MTHFD2L: variants seen among roughly 807,000 people sequenced by gnomAD.
The protein encoded by MTHFD2L is bifunctional methylenetetrahydrofolate dehydrogenase/cyclohydrolase 2, mitochondrial.
A neutral mutation model predicts 34.9 loss-of-function variants in MTHFD2L; 29 were observed. The observed-to-expected ratio is 0.83, with a 90% CI of 0.62 to 1.13. MTHFD2L has a LOEUF of 1.13. MTHFD2L is among the 50% of genes most tolerant of loss of function. The probability of loss-of-function intolerance (pLI) is 0.00; values close to 1 mark genes in which losing one functional copy is unlikely to be tolerated. For missense variants in MTHFD2L, 481 were observed against 446.5 expected (o/e 1.08, Z -0.70); for synonymous variants, 167 against 155.7 (o/e 1.07, Z -0.54).
At chr4:74,234,842 A>G (rs1013641766) in intron 6 of MTHFD2L, among the ~76,000 whole-genome samples, 3 of 151,460 alleles carry the variant, frequency 2.0e-5, no homozygotes, top group South Asian at 4.2e-4. Context: ...AGAGACACAG[A>G]TAGATTGAAA....
chr4:74,174,760 A>T, intron 2 of MTHFD2L, 70 bp downstream of exon 2: 1 of 1,086,658 alleles, frequency 9.2e-7, no homozygotes, highest in South Asian at 2.8e-5. Context: ...TGTGATAATT[A>T]TGAATGATAA....
chr4:74,244,887 G>C (rs1164513899), intron 6 of MTHFD2L, among the ~76,000 whole-genome samples: 1 of 152,084 alleles, frequency 6.6e-6, no homozygotes, highest in East Asian at 1.9e-4. Context: ...GCTGAATACA[G>C]AAGAAGATTT....
chr4:74,178,058 CAT>C (rs34187455), intron 3 of MTHFD2L, among the ~76,000 whole-genome samples: 113,923 of 151,758 alleles, frequency 0.75, 50,003 homozygotes, highest in Non-Finnish European at 0.96. Context: ...CTCATGGAAA[CAT>C]AGAGTTAATG....
At chr4:74,284,334 G>T (rs1747872623) in intron 7 of MTHFD2L, among the ~76,000 whole-genome samples, 1 of 152,144 alleles carries the variant, frequency 6.6e-6, no homozygotes, top group African/African-American at 2.4e-5. Flanking sequence ...AAAGGAATCT[G>T]CCAGTTCACC....
At chr4:74,186,911 A>G (rs1731392400) in intron 3 of MTHFD2L, among the ~76,000 whole-genome samples, 1 of 152,208 alleles carries the variant, frequency 6.6e-6, no homozygotes, top group Non-Finnish European at 1.5e-5. Context: ...AAAATGAGTT[A>G]TAAAGCTACA....
intron 6 of MTHFD2L, among the ~76,000 whole-genome samples, chr4:74,266,132 A>G (rs983284801): frequency 2.0e-5 from 3 of 152,202 alleles, no homozygotes; most frequent in Non-Finnish European, 4.4e-5. Context: ...TTTCATTACA[A>G]CCTTTGAAAG....
At chr4:74,202,619 C>T (rs1734634445) in intron 5 of MTHFD2L, among the ~76,000 whole-genome samples, 1 of 152,170 alleles carries the variant, frequency 6.6e-6, no homozygotes, top group African/African-American at 2.4e-5. Flanking sequence ...AATTCTGCAT[C>T]TTGTTCTAAT....
rs377715642 is a variant in MTHFD2L, at chr4:74,165,630, A to G, written c.143+7349A>G. On this transcript the variant is annotated intron_variant, in intron 1 of 7. Coordinates refer to ENST00000325278, the MANE Select transcript of MTHFD2L (RefSeq NM_001144978.3). ...CTCGGCCCCTCAAAGTGCTGGAATT[A>G]CAGGCGTGAGCCACTAGGCCCGGCC... Among the ~76,000 whole-genome samples the G allele has an allele frequency of 3.9e-5, 6 of 152,346 alleles. No homozygotes were observed. In the East Asian group the frequency reaches 9.6e-4, roughly 24 times the overall value.
rs779399097 is a variant in MTHFD2L at position 74,225,436 on chromosome 4, A to G, written c.805+42A>G. 3.7e-5 allele frequency: 56 copies of G among 1,503,436 alleles called. 1 individual carries two copies. In the South Asian group the frequency reaches 5.1e-4, roughly 14 times the overall value. The allele number at this position is 1,503,436 out of a possible 1,614,324, so 93.1% of individuals were successfully genotyped here. On this transcript the variant is annotated intron_variant, in intron 6 of 7. Coordinates refer to ENST00000325278, the MANE Select transcript of MTHFD2L (RefSeq NM_001144978.3). ...TGTTATTTTTTGGAATGTCATCAGC[A>G]GAATAATTCCTGCCCTAAATGCTGA... is the stretch of plus-strand genomic sequence containing the variant.
chr4:74,146,053 A>G (rs1207840635), intron 1 of MTHFD2L, among the ~76,000 whole-genome samples: 1 of 152,192 alleles, frequency 6.6e-6, no homozygotes, highest in Non-Finnish European at 1.5e-5. Context: ...AAAAAGACAC[A>G]TATTTCATAG....
intron 1 of MTHFD2L, among the ~76,000 whole-genome samples, chr4:74,128,175 A>C (rs2109794783): frequency 6.6e-6 from 1 of 152,202 alleles, no homozygotes; most frequent in Admixed American, 6.6e-5. Context: ...TAGTTTATAA[A>C]AATTTTCTCC....
chr4:74,171,541 A>G lies in MTHFD2L; in HGVS notation c.144-2965A>G, dbSNP rs183163155. Among the ~76,000 whole-genome samples, 272 of 152,276 alleles carry G rather than the reference A, an allele frequency of 1.8e-3. 1 individual carries two copies. Among genetic ancestry groups the G allele is most frequent in the African/African-American group, 5.5e-3 (230 of 41,558 alleles). On this transcript the variant is annotated intron_variant, in intron 1 of 7. Transcript: ENST00000325278. ...AAAGCGGCCAGGAGTGGTGGCTCAC[A>G]CCTGTAGTCCCAGCATTTTGGGAGG...
intron 6 of MTHFD2L, among the ~76,000 whole-genome samples, chr4:74,271,511 T>C (rs1317405995): frequency 2.6e-5 from 4 of 152,238 alleles, no homozygotes; most frequent in Non-Finnish European, 4.4e-5. Context: ...GAGGGCTCTG[T>C]TCTGTTCCAT....
At chr4:74,176,106 G>A (rs999045806) in intron 3 of MTHFD2L, among the ~76,000 whole-genome samples, 4 of 151,976 alleles carry the variant, frequency 2.6e-5, no homozygotes, top group East Asian at 1.9e-4. Flanking sequence ...TCACATTGGC[G>A]TCACTTCATC....
chr4:74,267,854 G>T (rs1254542123), intron 6 of MTHFD2L: 1 of 985,182 alleles, frequency 1.0e-6, no homozygotes, highest in Admixed American at 6.2e-5. Flanking sequence ...ATGAATTTCT[G>T]AATATAAGAG....
upstream of MTHFD2L, among the ~76,000 whole-genome samples, chr4:74,123,991 C>G (rs934661766): frequency 2.6e-5 from 4 of 151,964 alleles, no homozygotes; most frequent in African/African-American, 9.7e-5. Context: ...CACAACTTGT[C>G]CTATAACACA....
At chr4:74,122,138 C>A (rs1354702731), upstream of MTHFD2L, among the ~76,000 whole-genome samples, 4 of 152,054 alleles carry the variant, frequency 2.6e-5, no homozygotes, top group Non-Finnish European at 4.4e-5. Context: ...GGGGAGAAAT[C>A]CTTTTAATTA....
At chr4:74,301,282 G>C (rs981773331) in intron 7 of MTHFD2L, among the ~76,000 whole-genome samples, 2 of 151,976 alleles carry the variant, frequency 1.3e-5, no homozygotes, top group Non-Finnish European at 2.9e-5. Context: ...TGTTATAACA[G>C]GAATAATTCT....
intron 1 of MTHFD2L, among the ~76,000 whole-genome samples, chr4:74,139,072 C>T (rs1246296089): frequency 6.6e-6 from 1 of 152,184 alleles, no homozygotes; most frequent in Non-Finnish European, 1.5e-5. Flanking sequence ...AGTCCTGTCT[C>T]TCAGCTTGTT....
Sources: gnomAD v4.1 joint callset for allele counts (sites outside exome capture counted in the v4.1 genomes callset) on GRCh38, gnomAD v4.1.1 for gene constraint, MANE v1.5 for transcripts, NCBI Gene and HGNC (gene_info 2026-07-23, HGNC 2026-07-21) for gene names.